SATB1: variants seen among roughly 807,000 people sequenced by gnomAD.
SATB1 encodes SATB homeobox 1.
A neutral mutation model predicts 86.9 loss-of-function variants in SATB1; 11 were observed. The ratio of observed to expected loss-of-function variants is 0.13; its 90% confidence interval spans 0.08 to 0.21. The LOEUF is 0.21. SATB1 is among the 10% of genes least tolerant of loss of function. The probability of loss-of-function intolerance (pLI) is 1.00; values close to 1 mark genes in which losing one functional copy is unlikely to be tolerated. For synonymous variants in SATB1, 357 were observed against 357.2 expected, an observed-to-expected ratio of 1.00 and a Z score of 0.01; for missense variants, 551 against 937.6, an observed-to-expected ratio of 0.59 and a Z score of 5.39.
chr3:18,345,410 A>ACATT lies in SATB1; in HGVS notation c.*3756_*3759dup, dbSNP rs1694004112. The ACATT allele has an allele frequency of 6.6e-6, 1 of 152,128 alleles. No homozygotes were observed. Among genetic ancestry groups the ACATT allele is most frequent in the Non-Finnish European group, 1.5e-5 (1 of 67,944 alleles). 9.4% of individuals were successfully genotyped at this position (152,128 alleles called of 1,614,324 possible). On this transcript the variant is annotated 3_prime_UTR_variant, in exon 11 of 11. Transcript: ENST00000338745. ...ATTAATTTCAAACTATTTTTATTTA[A>ACATT]CATTTGGTATTGTTAAACAGGTATA...
chr3:18,432,668 T>C (rs1301345616), intron 2 of SATB1, among the ~76,000 whole-genome samples: 2 of 151,428 alleles, frequency 1.3e-5, no homozygotes. Flanking sequence ...TTTGGGCTGA[T>C]AGAAAAAGAG....
chr3:18,426,233 CTGAG>C (rs1364569198), upstream of SATB1, among the ~76,000 whole-genome samples: 2 of 152,216 alleles, frequency 1.3e-5, no homozygotes, highest in Non-Finnish European at 2.9e-5. The surrounding 1 kb of genome is among the most constrained non-coding windows in gnomAD (Gnocchi z 4.2). Flanking sequence ...TTAGAAAGAA[CTGAG>C]TAAGAGCGTT....
intron 9 of SATB1, among the ~76,000 whole-genome samples, chr3:18,367,118 A>G (rs1235219538): frequency 1.3e-5 from 2 of 152,194 alleles, no homozygotes; most frequent in African/African-American, 2.4e-5. Context: ...ACTACACAGC[A>G]GGTTAGCAGT....
intron 8 of SATB1, among the ~76,000 whole-genome samples, chr3:18,384,458 GTTT>G (rs11293987): frequency 6.8e-6 from 1 of 147,624 alleles, no homozygotes; most frequent in African/African-American, 2.5e-5. Context: ...CTGGCTAGAT[GTTT>G]TTTTTTTTTT....
At chr3:18,427,672 C>T (rs1348217922), upstream of SATB1, among the ~76,000 whole-genome samples, 1 of 152,164 alleles carries the variant, frequency 6.6e-6, no homozygotes, top group Non-Finnish European at 1.5e-5. Flanking sequence ...ATTAATACAG[C>T]AATCCTTAAA....
At chr3:18,426,371 T>C (rs1232987154), upstream of SATB1, among the ~76,000 whole-genome samples, 2 of 152,188 alleles carry the variant, frequency 1.3e-5, no homozygotes, top group Admixed American at 6.5e-5. This position sits in a 1 kb window ranked among gnomAD's most constrained non-coding sequence, Gnocchi z 4.2. Context: ...GACTTGTTAT[T>C]ATAAAGGAAA....
rs1699341208 is a variant in SATB1, at chr3:18,444,887, G to A, written c.-25+631C>T. On this transcript the variant is annotated intron_variant, in intron 1 of 3. Transcript: ENST00000415069. This position sits in a 1 kb window ranked among gnomAD's most constrained non-coding sequence, Gnocchi z 5.1. ...CCAAGGGAAGGAAGAGAAGGAGGGG[G>A]AGGGAGGAGATGTTAACGGGCGGGG... is the stretch of plus-strand genomic sequence containing the variant. 1 of 138,498 alleles carries A rather than the reference G, an allele frequency of 7.2e-6. No individual in the cohort carries two copies. Among genetic ancestry groups the A allele is most frequent in the South Asian group, 2.4e-4 (1 of 4,192 alleles). 8.6% of individuals were successfully genotyped at this position (138,498 alleles called of 1,614,324 possible).
At chr3:18,355,045 G>C (rs968707876) in intron 9 of SATB1, among the ~76,000 whole-genome samples, 2 of 151,858 alleles carry the variant, frequency 1.3e-5, no homozygotes, top group African/African-American at 4.8e-5. Flanking sequence ...GCATGTCTCC[G>C]CTAGCCTTTC....
intron 5 of SATB1, chr3:18,410,956 G>A (rs1697804397): frequency 2.5e-6 from 1 of 394,418 alleles, no homozygotes; most frequent in Non-Finnish European, 4.5e-6. Context: ...CAGGAGAGCA[G>A]TACTGAAGCT....
In SATB1 at chr3:18,374,231, A is replaced by C. The variant is rs542156506; in HGVS notation, c.1575+3939T>G. Reference sequence around the variant, plus strand: ...TCTCGAGGGGTTTGCTGTGGAATAAAATTAGATTCCAACATCTGCCACCAT... The same window carrying C: ...TCTCGAGGGGTTTGCTGTGGAATAACATTAGATTCCAACATCTGCCACCAT... On this transcript the variant is annotated intron_variant, in intron 9 of 10. Coordinates refer to ENST00000338745, the MANE Select transcript of SATB1 (RefSeq NM_002971.6). Among the ~76,000 whole-genome samples, 7 of 152,292 alleles carry C rather than the reference A, an allele frequency of 4.6e-5. No homozygotes were observed. The East Asian group carries it at 1.4e-3, about 29-fold the overall frequency.
At chr3:18,442,388 T>A (rs1279323064), upstream of SATB1, among the ~76,000 whole-genome samples, 3 of 152,222 alleles carry the variant, frequency 2.0e-5, no homozygotes, top group African/African-American at 7.2e-5. Flanking sequence ...AAATATTATG[T>A]ATTACCTATG....
intron 9 of SATB1, among the ~76,000 whole-genome samples, chr3:18,377,666 C>G (rs1282293980): frequency 3.3e-5 from 5 of 151,870 alleles, no homozygotes; most frequent in African/African-American, 7.3e-5. Context: ...GTGTGTGTGT[C>G]AGTTTGTCTT....
At chr3:18,396,738 A>T (rs1696981816) in intron 6 of SATB1, among the ~76,000 whole-genome samples, 2 of 152,272 alleles carry the variant, frequency 1.3e-5, no homozygotes, top group Admixed American at 1.3e-4. Flanking sequence ...CTTGATCTCT[A>T]CTGTGGAAAC....
chr3:18,364,846 CTTTT>C (rs111558901), intron 9 of SATB1, among the ~76,000 whole-genome samples: 1 of 146,898 alleles, frequency 6.8e-6, no homozygotes, highest in Admixed American at 6.8e-5. Context: ...AACAAATTTC[CTTTT>C]TTTTTTGCCA....
chr3:18,362,869 A>AAAAC (rs1553615752), intron 9 of SATB1, among the ~76,000 whole-genome samples: 1 of 146,134 alleles, frequency 6.8e-6, no homozygotes, highest in African/African-American at 2.5e-5. Context: ...GCAAAAAAAA[A>AAAAC]AAAAAAAAAA....
At chr3:18,373,305 T>C (rs138897262) in intron 9 of SATB1, among the ~76,000 whole-genome samples, 56 of 152,306 alleles carry the variant, frequency 3.7e-4, no homozygotes, top group Middle Eastern at 6.8e-3. Flanking sequence ...GTGCCTTAAA[T>C]AGGAGGCTAC....
At chr3:18,438,075 A>G (rs1699125176) in intron 1 of SATB1, among the ~76,000 whole-genome samples, 1 of 152,200 alleles carries the variant, frequency 6.6e-6, no homozygotes, top group South Asian at 2.1e-4. Context: ...ATATCTGCAT[A>G]CACTAGGTTC....
chr3:18,395,330 T>C (rs934378166), intron 6 of SATB1, among the ~76,000 whole-genome samples: 5 of 152,132 alleles, frequency 3.3e-5, no homozygotes, highest in African/African-American at 7.2e-5. Flanking sequence ...AAGCTTATAA[T>C]AAGCAACTAA....
intron 9 of SATB1, among the ~76,000 whole-genome samples, chr3:18,372,684 T>TA (rs1444939577): frequency 6.6e-6 from 1 of 152,172 alleles, no homozygotes. Flanking sequence ...AATTAGCTCT[T>TA]AAAAAATCAT....
Sources: gnomAD v4.1 joint callset for allele counts (sites outside exome capture counted in the v4.1 genomes callset) on GRCh38, gnomAD v4.1.1 for gene constraint, Gnocchi (gnomAD v3.1) non-coding constraint, MANE v1.5 for transcripts, NCBI Gene and HGNC (gene_info 2026-07-23, HGNC 2026-07-21) for gene names.